Variants in TANC2 observed in about 807,000 individuals in gnomAD.
The protein encoded by TANC2 is protein TANC2.
In TANC2, 26 loss-of-function variants were observed where a neutral mutation model predicts 210.5. The ratio of observed to expected loss-of-function variants is 0.12; its 90% CI spans 0.09 to 0.17. TANC2 has a LOEUF of 0.17. Among genes scored for constraint, TANC2 ranks in the 10% least tolerant of loss-of-function variants. The pLI is 1.00. For missense variants in TANC2, 2,129 were observed against 2,608.9 expected (o/e 0.82, Z 4.01); for synonymous variants, 931 against 967.1 (o/e 0.96, Z 0.69).
chr17:63,406,118 T>C, intron 20 of TANC2, 36 bp from the exon 21 acceptor site: 1 of 1,612,180 alleles, frequency 6.2e-7, no homozygotes, highest in South Asian at 1.1e-5. Context: ...CAGCTCTTCT[T>C]TGGGCTAATT....
intron 8 of TANC2, among the ~76,000 whole-genome samples, chr17:63,262,660 C>T (rs565553728): frequency 2.0e-5 from 3 of 148,554 alleles, no homozygotes; most frequent in Non-Finnish European, 3.0e-5. Flanking sequence ...ACATAGATAT[C>T]GATAAAGAAT....
chr17:63,308,498 A>G (rs1213550016), intron 9 of TANC2, among the ~76,000 whole-genome samples: 2 of 152,206 alleles, frequency 1.3e-5, no homozygotes, highest in African/African-American at 4.8e-5. Context: ...ACTCAAAGGA[A>G]ATATAAACCA....
intron 5 of TANC2, among the ~76,000 whole-genome samples, chr17:63,192,134 C>T (rs2041207121): frequency 6.6e-6 from 1 of 152,150 alleles, no homozygotes; most frequent in African/African-American, 2.4e-5. Flanking sequence ...CGTATCATAA[C>T]CTGGTATCGG....
At chr17:63,183,534 G>T (rs2040864752) in intron 5 of TANC2, among the ~76,000 whole-genome samples, 1 of 152,098 alleles carries the variant, frequency 6.6e-6, no homozygotes, top group Non-Finnish European at 1.5e-5. Flanking sequence ...GTTTGAGAGG[G>T]TCGAAAATTT....
At chr17:63,193,482 G>C (rs539395138) in intron 5 of TANC2, among the ~76,000 whole-genome samples, 28 of 152,262 alleles carry the variant, frequency 1.8e-4, no homozygotes, top group African/African-American at 6.5e-4. Context: ...GTGTAATACT[G>C]AATATCCTAA....
chr17:63,360,898 T>TCACTTTA (rs2046938477), intron 14 of TANC2, among the ~76,000 whole-genome samples: 1 of 152,210 alleles, frequency 6.6e-6, no homozygotes, highest in Admixed American at 6.5e-5. Flanking sequence ...ACGCAATGTC[T>TCACTTTA]GTCTTTCAGT....
intron 4 of TANC2, among the ~76,000 whole-genome samples, chr17:63,120,052 TA>T (rs201238687): frequency 3.3e-3 from 457 of 140,250 alleles, no homozygotes; most frequent in Middle Eastern, 0.011. Context: ...CTCTGTCTCA[TA>T]AAAAAAAAAA....
At chr17:63,356,140 A>T (rs1353897515) in intron 14 of TANC2, among the ~76,000 whole-genome samples, 1 of 152,130 alleles carries the variant, frequency 6.6e-6, no homozygotes, top group Non-Finnish European at 1.5e-5. Flanking sequence ...CTCTTTCCCA[A>T]TGAGCTTGAA....
intron 9 of TANC2, among the ~76,000 whole-genome samples, chr17:63,268,367 G>T (rs73325718): frequency 0.021 from 3,177 of 152,266 alleles, 102 homozygotes; most frequent in African/African-American, 0.071. Flanking sequence ...AGCTTCATGT[G>T]ATGGGTTGCA....
In TANC2 at chr17:63,253,499, C is replaced by T. The variant is rs78446857; in HGVS notation, c.1034-14249C>T. On this transcript the variant is annotated intron_variant, in intron 8 of 27. Transcript: ENST00000689528. ...GCTGCCTGCCCTTTTAGGGTATTAC[C>T]GAAGAAACCTTTGCCCAGACCAGGG... Among the ~76,000 whole-genome samples, 8 of 152,256 alleles carry T rather than the reference C, an allele frequency of 5.3e-5. 1 individual carries two copies. The highest frequency in any genetic ancestry group is 4.2e-4 in the South Asian group (2 of 4,816).
chr17:63,017,193 C>A (rs73339689), intron 2 of TANC2, among the ~76,000 whole-genome samples: 1 of 152,088 alleles, frequency 6.6e-6, no homozygotes, highest in Non-Finnish European at 1.5e-5. Context: ...ACTATTCTTT[C>A]TCTACTGAAT....
At chr17:63,018,545 G>C (rs1167864576) in intron 2 of TANC2, among the ~76,000 whole-genome samples, 10 of 151,178 alleles carry the variant, frequency 6.6e-5, no homozygotes, top group Admixed American at 6.6e-4. Context: ...GAATAATATA[G>C]AGAGATCTTG....
chr17:63,330,556 A>G (rs2045804390), intron 11 of TANC2, among the ~76,000 whole-genome samples: 1 of 152,198 alleles, frequency 6.6e-6, no homozygotes, highest in Non-Finnish European at 1.5e-5. Flanking sequence ...CATCTTTTTG[A>G]TTTGCAGCAC....
chr17:62,973,284 A>G (rs2031814690), intron 1 of TANC2, among the ~76,000 whole-genome samples: 1 of 152,164 alleles, frequency 6.6e-6, no homozygotes, highest in Admixed American at 6.5e-5. Context: ...GGCCCGTCTC[A>G]GCCTCCCAGA....
At chr17:63,033,622 T>G (rs2034860458) in intron 2 of TANC2, among the ~76,000 whole-genome samples, 1 of 152,166 alleles carries the variant, frequency 6.6e-6, no homozygotes, top group African/African-American at 2.4e-5. Flanking sequence ...ATGATATAAC[T>G]AAACTTACAT....
In TANC2 at chr17:63,421,293, C is replaced by T. The variant is rs2049017309; in HGVS notation, c.5563C>T (p.Pro1855Ser). The change falls in exon 28 of 28, where the codon CCG (proline) becomes TCG (serine). Residue 1855 changes from proline (P) to serine (S), a missense_variant. Transcript: ENST00000689528. This position sits in a 1 kb window ranked among gnomAD's most constrained non-coding sequence, Gnocchi z 6.9. ...CAAACCGCACCCGCCAACTCCCAGGCCGTTGCTGCATTCCCAAAGTGTAGG... is the reference window on the plus strand; with the variant it reads ...CAAACCGCACCCGCCAACTCCCAGGTCGTTGCTGCATTCCCAAAGTGTAGG... The T allele has an allele frequency of 2.5e-6, 4 of 1,614,060 alleles. No individual in the cohort carries two copies. The highest frequency in any genetic ancestry group is 3.4e-6 in the Non-Finnish European group (4 of 1,179,906).
intron 1 of TANC2, among the ~76,000 whole-genome samples, chr17:62,981,093 C>CT (rs1316183692): frequency 6.6e-6 from 1 of 152,150 alleles, no homozygotes; most frequent in Non-Finnish European, 1.5e-5. Context: ...TACTTAATGA[C>CT]TTTAAGTTCA....
intron 2 of TANC2, among the ~76,000 whole-genome samples, chr17:63,037,525 A>T (rs1311891369): frequency 6.6e-6 from 1 of 152,042 alleles, no homozygotes; most frequent in Non-Finnish European, 1.5e-5. Context: ...AAACATATAT[A>T]TATATAGGCT....
At chr17:63,068,684 A>T (rs575495954) in intron 2 of TANC2, among the ~76,000 whole-genome samples, 1 of 152,324 alleles carries the variant, frequency 6.6e-6, no homozygotes, top group African/African-American at 2.4e-5. Flanking sequence ...TGGATGATAT[A>T]GTTTCATTAC....
Sources: allele counts gnomAD v4.1 joint callset (sites outside exome capture counted in the v4.1 genomes callset), GRCh38; gene constraint gnomAD v4.1.1; non-coding constraint Gnocchi (gnomAD v3.1); transcripts MANE v1.5; gene names NCBI Gene and HGNC (gene_info 2026-07-23, HGNC 2026-07-21).